The following CLVS1 variants were observed in gnomAD, a reference collection of about 807,000 sequenced individuals.
CLVS1 encodes clavesin-1.
CLVS1 carries 10 observed loss-of-function variants against 33.1 expected under a neutral mutation model. That is an observed-to-expected ratio of 0.30 (90% CI 0.19 to 0.51). The LOEUF (loss-of-function observed/expected upper bound fraction) is 0.51, where lower values mean the gene tolerates loss of function less well. Among genes scored for constraint, CLVS1 ranks in the 20% least tolerant of loss-of-function variants. The pLI is 0.97. For missense variants in CLVS1, 343 were observed against 433.4 expected (o/e 0.79, Z 1.85); for synonymous variants, 163 against 166.1 (o/e 0.98, Z 0.14).
chr8:61,183,330 T>G (rs2129301026), intron 2 of CLVS1, among the ~76,000 whole-genome samples: 1 of 152,250 alleles, frequency 6.6e-6, no homozygotes, highest in Non-Finnish European at 1.5e-5. Flanking sequence ...AAATAAAAAT[T>G]TAAAAAAGTA....
intron 2 of CLVS1, among the ~76,000 whole-genome samples, chr8:61,245,500 A>G (rs1808787079): frequency 1.3e-5 from 2 of 151,776 alleles, no homozygotes; most frequent in South Asian, 2.1e-4. Flanking sequence ...TGTCTTTCAT[A>G]AGAAGCATAT....
intron 2 of CLVS1, among the ~76,000 whole-genome samples, chr8:61,218,045 G>T (rs1350732596): frequency 2.6e-5 from 4 of 152,152 alleles, no homozygotes; most frequent in Admixed American, 2.6e-4. Flanking sequence ...CTCATACATT[G>T]TTGGTGGGAA....
At chr8:60,987,733 T>C in the CLVS1 span, among the ~76,000 whole-genome samples, 1 of 152,086 alleles carries the variant, frequency 6.6e-6, no homozygotes. Flanking sequence ...ACAATGGTCA[T>C]CATTATCATG....
intron 1 of CLVS1, among the ~76,000 whole-genome samples, chr8:61,082,593 G>A (rs6995950): frequency 0.045 from 6,786 of 152,264 alleles, 507 homozygotes; most frequent in African/African-American, 0.15. Flanking sequence ...AGAAGCTGGT[G>A]GTAGGAGGGT....
chr8:61,376,742 C>A lies in CLVS1; in HGVS notation c.593C>A (p.Thr198Lys), dbSNP rs766141198. Residue 198 changes from threonine (T) to lysine (K), a missense_variant, in exon 3 of 6, where the codon ACA becomes AAA. Coordinates refer to ENST00000325897, the MANE Select transcript of CLVS1 (RefSeq NM_173519.3). ...NFSFKQASKL[T>K]PSILKLAIEG... Reference sequence around the variant, plus strand: ...TCCTTCAAACAAGCCTCCAAACTGACACCTTCAATCCTTAAACTGGCCATT... The same window carrying A: ...TCCTTCAAACAAGCCTCCAAACTGAAACCTTCAATCCTTAAACTGGCCATT... 1 of 1,614,114 alleles carries A rather than the reference C, an allele frequency of 6.2e-7. No homozygotes were observed. Among genetic ancestry groups the A allele is most frequent in the Non-Finnish European group, 8.5e-7 (1 of 1,179,976 alleles).
At chr8:61,211,120 T>C (rs1807962261) in intron 2 of CLVS1, among the ~76,000 whole-genome samples, 1 of 152,080 alleles carries the variant, frequency 6.6e-6, no homozygotes, top group South Asian at 2.1e-4. Flanking sequence ...ACGTGGCCAA[T>C]GTACGAATCG....
At chr8:61,366,382 C>G (rs1404688857) in intron 2 of CLVS1, among the ~76,000 whole-genome samples, 1 of 152,200 alleles carries the variant, frequency 6.6e-6, no homozygotes, top group Non-Finnish European at 1.5e-5. Flanking sequence ...ACTGCATTCA[C>G]ACTACATTAA....
intron 2 of CLVS1, among the ~76,000 whole-genome samples, chr8:61,166,658 T>A (rs879674456): frequency 2.0e-4 from 30 of 152,212 alleles, no homozygotes; most frequent in South Asian, 6.2e-4. Flanking sequence ...CACTAACCAC[T>A]TGTATTATTT....
intron 1 of CLVS1, among the ~76,000 whole-genome samples, chr8:61,070,127 C>A (rs987613943): frequency 6.6e-6 from 1 of 152,158 alleles, no homozygotes; most frequent in Non-Finnish European, 1.5e-5. Context: ...CCTTTTATCT[C>A]CCCTTGGCTG....
At chr8:61,245,293 C>G (rs1808782973) in intron 2 of CLVS1, among the ~76,000 whole-genome samples, 2 of 152,128 alleles carry the variant, frequency 1.3e-5, no homozygotes, top group African/African-American at 4.8e-5. Context: ...AACAATTCCC[C>G]TGCCTCAGCC....
At chr8:61,257,936 G>A (rs1287631964) in intron 2 of CLVS1, among the ~76,000 whole-genome samples, 2 of 152,096 alleles carry the variant, frequency 1.3e-5, no homozygotes, top group African/African-American at 4.8e-5. Flanking sequence ...GGCTATTAAT[G>A]TCAATGGTGG....
At chr8:61,409,882 A>G (rs367647807) in intron 3 of CLVS1, among the ~76,000 whole-genome samples, 109 of 152,234 alleles carry the variant, frequency 7.2e-4, no homozygotes, top group Non-Finnish European at 1.2e-3. Flanking sequence ...TATGATTGAG[A>G]TGGATCATTT....
the CLVS1 span, among the ~76,000 whole-genome samples, chr8:61,045,170 C>T: frequency 6.6e-6 from 1 of 152,200 alleles, no homozygotes; most frequent in Non-Finnish European, 1.5e-5. Flanking sequence ...GATTTGTAAG[C>T]TCAAAAAAGC....
chr8:61,441,503 T>C (rs1047558804), intron 3 of CLVS1, among the ~76,000 whole-genome samples: 11 of 152,260 alleles, frequency 7.2e-5, no homozygotes, highest in African/African-American at 2.6e-4. Context: ...ATGAGAGTTA[T>C]AAAGGGCAGC....
chr8:61,250,829 G>T (rs190614035), intron 2 of CLVS1, among the ~76,000 whole-genome samples: 8,884 of 152,242 alleles, frequency 0.058, 433 homozygotes, highest in African/African-American at 0.13. Context: ...AGAGGATGGG[G>T]TTTTCTAAAT....
chr8:61,433,724 G>A (rs1816201605), intron 3 of CLVS1, among the ~76,000 whole-genome samples: 1 of 151,914 alleles, frequency 6.6e-6, no homozygotes, highest in Admixed American at 6.6e-5. Flanking sequence ...GACGAGCCTG[G>A]CCAACATGGT....
At chr8:61,111,802 A>G (rs1295112540) in intron 1 of CLVS1, among the ~76,000 whole-genome samples, 1 of 152,152 alleles carries the variant, frequency 6.6e-6, no homozygotes, top group Non-Finnish European at 1.5e-5. Context: ...CTTCTATCAA[A>G]AAGTTCATCA....
At chr8:61,372,777 T>A (rs1813492239) in intron 2 of CLVS1, among the ~76,000 whole-genome samples, 1 of 152,188 alleles carries the variant, frequency 6.6e-6, no homozygotes, top group African/African-American at 2.4e-5. Context: ...TTTTGTAGAA[T>A]GTCCCTCAAT....
intron 2 of CLVS1, among the ~76,000 whole-genome samples, chr8:61,192,200 C>G (rs1423844483): frequency 6.6e-6 from 1 of 152,242 alleles, no homozygotes; most frequent in East Asian, 1.9e-4. Flanking sequence ...TGGAACAGAA[C>G]AGAGCCCTCA....
Sources: allele counts gnomAD v4.1 joint callset (sites outside exome capture counted in the v4.1 genomes callset), GRCh38; gene constraint gnomAD v4.1.1; transcripts MANE v1.5; gene names NCBI Gene and HGNC (gene_info 2026-07-23, HGNC 2026-07-21).